VWF: variants seen among roughly 807,000 people sequenced by gnomAD.
VWF encodes the protein Factor VIII related antigen.
VWF carries 176 observed loss-of-function variants against 308.6 expected under a neutral mutation model. The ratio of observed to expected loss-of-function variants is 0.57; its 90% CI spans 0.50 to 0.65. The LOEUF (loss-of-function observed/expected upper bound fraction) is 0.65, where lower values mean the gene tolerates loss of function less well. Among genes scored for constraint, VWF ranks in the 30% least tolerant of loss-of-function variants. The pLI is 0.00. For missense variants in VWF, 3,146 were observed against 3,648.2 expected (o/e 0.86, Z 3.55); for synonymous variants, 1,385 against 1,443.4 (o/e 0.96, Z 0.92).
At chr12:6,035,866 C>T (rs1944330920) in intron 19 of VWF, among the ~76,000 whole-genome samples, 1 of 152,234 alleles carries the variant, frequency 6.6e-6, no homozygotes, top group South Asian at 2.1e-4. Flanking sequence ...ACCAACATGA[C>T]ACCACATGGG....
rs200615283 is a variant in VWF, at chr12:6,073,691, C to T, written c.925G>A (p.Ala309Thr). The change falls in exon 8 of 52, where the codon GCC becomes ACC. Residue 309 changes from alanine to threonine, a missense_variant. Around this residue, in one of 3 missense-constraint regions of VWF, gnomAD observed 1,304 missense variants for 1,353.0 expected, o/e 0.96. Coordinates refer to ENST00000261405, the MANE Select transcript of VWF (RefSeq NM_000552.5). ...MEYRQCVSPC[A>T]RTCQSLHINE... ...ATGTGCAGGCTCTGGCAGGTCCTGGCGCAAGGGGACACACACTGCCTATAC... is the reference window on the plus strand; with the variant it reads ...ATGTGCAGGCTCTGGCAGGTCCTGGTGCAAGGGGACACACACTGCCTATAC... The T allele has an allele frequency of 1.4e-5, 23 of 1,613,950 alleles. No homozygotes were observed. Among genetic ancestry groups the T allele is most frequent in the Admixed American group, 3.3e-5 (2 of 59,992 alleles).
At chr12:5,983,516 G>A (rs1051488434) in intron 40 of VWF, among the ~76,000 whole-genome samples, 3 of 143,630 alleles carry the variant, frequency 2.1e-5, no homozygotes, top group Non-Finnish European at 3.1e-5. Flanking sequence ...AGATAACTAG[G>A]TACATTAGAT....
intron 36 of VWF, 81 bp from the exon 37 acceptor site, chr12:5,994,284 T>C (rs1309547403): frequency 6.3e-7 from 1 of 1,596,682 alleles, no homozygotes; most frequent in African/African-American, 1.3e-5. Context: ...CAGGCCATTC[T>C]TGATCCTCAC....
intron 46 of VWF, 42 bp from the exon 47 acceptor site, chr12:5,967,644 C>A (rs368932896): frequency 3.7e-5 from 58 of 1,560,924 alleles, no homozygotes; most frequent in Non-Finnish European, 4.5e-5. Context: ...CAGCATCCCC[C>A]AACCCCCCAC....
intron 3 of VWF, among the ~76,000 whole-genome samples, chr12:6,115,843 A>T (rs1024292533): frequency 4.6e-5 from 7 of 152,158 alleles, no homozygotes; most frequent in Non-Finnish European, 1.0e-4. Context: ...AGACACTGCA[A>T]AATGTCCTCA....
At chr12:6,097,367 G>A (rs1016899151) in intron 5 of VWF, among the ~76,000 whole-genome samples, 2 of 152,128 alleles carry the variant, frequency 1.3e-5, no homozygotes, top group African/African-American at 2.4e-5. Flanking sequence ...AACCTGGAAG[G>A]CGAAGACTAC....
intron 10 of VWF, among the ~76,000 whole-genome samples, chr12:6,068,817 C>CTT (rs748547870): frequency 2.6e-5 from 3 of 113,338 alleles, no homozygotes; most frequent in African/African-American, 3.9e-5. Flanking sequence ...CTTTTTCTTC[C>CTT]TTTTTTTTTT....
At chr12:6,106,549 C>A (rs1945245833) in intron 5 of VWF, among the ~76,000 whole-genome samples, 1 of 152,010 alleles carries the variant, frequency 6.6e-6, no homozygotes, top group Non-Finnish European at 1.5e-5. Flanking sequence ...GTACCTGATA[C>A]CACTGAACTA....
At chr12:6,104,538 GA>G (rs1324601505) in intron 5 of VWF, among the ~76,000 whole-genome samples, 3 of 150,184 alleles carry the variant, frequency 2.0e-5, no homozygotes, top group Non-Finnish European at 4.4e-5. Flanking sequence ...AAATACAAAA[GA>G]AAAAAAAATG....
intron 18 of VWF, among the ~76,000 whole-genome samples, chr12:6,039,289 G>GT (rs1944371270): frequency 6.6e-6 from 1 of 152,218 alleles, no homozygotes; most frequent in Non-Finnish European, 1.5e-5. Flanking sequence ...TGAGAACGTG[G>GT]TCCTACGTGT....
chr12:6,110,864 A>T lies in VWF; in HGVS notation c.323+2T>A. On this transcript the variant is annotated splice_donor_variant, in intron 4 of 51. Coordinates refer to ENST00000261405, the MANE Select transcript of VWF (RefSeq NM_000552.5). LOFTEE classifies it high-confidence loss of function. ...TTTCTAACTCAGACATTGTTGGCTT[A>T]CCTTTGGTCCCCCTGTGTCACGGTA... is the stretch of plus-strand genomic sequence containing the variant. 6 of 1,613,940 alleles carry T rather than the reference A, an allele frequency of 3.7e-6. No homozygotes were observed. Among genetic ancestry groups the T allele is most frequent in the Non-Finnish European group, 5.1e-6 (6 of 1,179,882 alleles).
rs1943198911 is a variant in VWF, at chr12:5,952,130, AAATC to A, written c.8116-251_8116-248del. 2.5e-5 allele frequency: 16 copies of A among 643,918 alleles called. No individual in the cohort carries two copies. In the South Asian group the frequency reaches 3.1e-4, roughly 12 times the overall value. The allele number at this position is 643,918 out of a possible 1,614,324, so 39.9% of individuals were successfully genotyped here. A position where few individuals can be genotyped will look rare whatever the true frequency, so the allele number is the denominator to read the frequency against. On this transcript the variant is annotated intron_variant, in intron 49 of 51. Transcript: ENST00000261405. ...GGATCTTCATTCCCAGGGAGACTAAAAATCAGTTTGATCTCACATTTTATTCAAG... is the reference window on the plus strand; with the variant it reads ...GGATCTTCATTCCCAGGGAGACTAAAAGTTTGATCTCACATTTTATTCAAG...
intron 5 of VWF, among the ~76,000 whole-genome samples, chr12:6,104,639 G>A (rs1296164413): frequency 1.3e-5 from 2 of 151,970 alleles, no homozygotes; most frequent in African/African-American, 2.4e-5. Context: ...GGAGGTTGCA[G>A]TGAGCTGAGA....
At chr12:6,054,007 C>A (rs1944547678) in intron 15 of VWF, among the ~76,000 whole-genome samples, 1 of 152,164 alleles carries the variant, frequency 6.6e-6, no homozygotes, top group African/African-American at 2.4e-5. Flanking sequence ...CTGTGCAGAC[C>A]AGCTGCTGCC....
rs1157054241 is a variant in VWF at position 6,022,725 on chromosome 12, G to A, written c.3538+15C>T. The A allele has an allele frequency of 2.3e-6, 1 of 444,096 alleles. No homozygotes were observed. Among genetic ancestry groups the A allele is most frequent in the Non-Finnish European group, 3.9e-6 (1 of 255,866 alleles). 27.5% of individuals were successfully genotyped at this position (444,096 alleles called of 1,614,324 possible). A position where few individuals can be genotyped will look rare whatever the true frequency, so the allele number is the denominator to read the frequency against. ...CCCATCCCACCAGCCTGACCCCCAGGGATAGAGGCCTCACCTGGAGGGCAG... is the reference window on the plus strand; with the variant it reads ...CCCATCCCACCAGCCTGACCCCCAGAGATAGAGGCCTCACCTGGAGGGCAG... On this transcript the variant is annotated intron_variant, in intron 26 of 51. Transcript: ENST00000261405.
chr12:6,032,527 A>G (rs1408580872), intron 20 of VWF, among the ~76,000 whole-genome samples: 1 of 147,706 alleles, frequency 6.8e-6, no homozygotes, highest in Non-Finnish European at 1.5e-5. Context: ...AGTCCCAGCT[A>G]CTAGGGAGGC....
chr12:6,046,748 G>A lies in VWF; in HGVS notation c.2256C>T (p.Val752=), dbSNP rs1162928815. The A allele has an allele frequency of 2.5e-6, 4 of 1,614,190 alleles. No individual in the cohort carries two copies. Among genetic ancestry groups the A allele is most frequent in the Non-Finnish European group, 2.5e-6 (3 of 1,180,042 alleles). The change falls in exon 17 of 52, where the codon GTC becomes GTT. Residue 752 remains valine (V), a synonymous_variant. Transcript: ENST00000261405. This position sits in a 1 kb window ranked among gnomAD's most constrained non-coding sequence, Gnocchi z 5.0. The part of the protein sequence containing the change: ...GVPGSLLPDA[V]LSSPLSHRSK... ...TGCGATGAGACAGGGGACTGCTGAG[G>A]ACAGCGTCAGGCAGCAAGCTTCCGG...
intron 7 of VWF, 127 bp from the exon 8 acceptor site, chr12:6,073,868 G>T: frequency 6.9e-7 from 1 of 1,458,370 alleles, no homozygotes. Context: ...AGGCTTCCAG[G>T]TCCTTCTCAC....
At chr12:6,029,596 A>G in intron 21 of VWF, 108 bp from the exon 22 acceptor site, 1 of 1,423,430 alleles carries the variant, frequency 7.0e-7, no homozygotes. Flanking sequence ...CCACGAGTGC[A>G]GGCACTGCCA....
Sources: gnomAD v4.1 joint callset for allele counts (sites outside exome capture counted in the v4.1 genomes callset) on GRCh38, gnomAD v4.1.1 for gene constraint, gnomAD v4.1.1 regional missense constraint, Gnocchi (gnomAD v3.1) non-coding constraint, MANE v1.5 for transcripts, NCBI Gene and HGNC (gene_info 2026-07-23, HGNC 2026-07-21) for gene names.